PRKCA: variants seen among roughly 807,000 people sequenced by gnomAD.
PRKCA encodes protein kinase C alpha type.
A neutral mutation model predicts 87.0 loss-of-function variants in PRKCA; 27 were observed. The observed-to-expected ratio is 0.31, with a 90% confidence interval of 0.23 to 0.43. The LOEUF (loss-of-function observed/expected upper bound fraction) is 0.43, where lower values mean the gene tolerates loss of function less well. Among genes scored for constraint, PRKCA ranks in the 20% least tolerant of loss-of-function variants. The pLI is 1.00. For synonymous variants in PRKCA, 329 were observed against 311.1 expected, an observed-to-expected ratio of 1.06 and a Z score of -0.61; for missense variants, 518 against 852.3, an observed-to-expected ratio of 0.61 and a Z score of 4.88.
At chr17:66,754,698 A>G (rs577795168) in intron 13 of PRKCA, among the ~76,000 whole-genome samples, 2 of 152,284 alleles carry the variant, frequency 1.3e-5, no homozygotes, top group African/African-American at 4.8e-5. Context: ...TTTGCTGGGC[A>G]TGGCGCTGGA....
intron 3 of PRKCA, among the ~76,000 whole-genome samples, chr17:66,569,991 C>A (rs1012846571): frequency 6.6e-6 from 1 of 152,210 alleles, no homozygotes; most frequent in African/African-American, 2.4e-5. Context: ...AACCTGGAAA[C>A]AACTCAGATG....
intron 2 of PRKCA, among the ~76,000 whole-genome samples, chr17:66,428,766 A>T (rs747813326): frequency 1.6e-4 from 24 of 152,108 alleles, no homozygotes; most frequent in Admixed American, 3.9e-4. Flanking sequence ...GGCCTCCCAA[A>T]TTGCCGGGAT....
In PRKCA at chr17:66,742,612, T is replaced by C; in HGVS notation, c.1386-10T>C. The C allele has an allele frequency of 2.5e-6, 4 of 1,613,478 alleles. No individual in the cohort carries two copies. On this transcript the variant is annotated splice_polypyrimidine_tract_variant and intron_variant, in intron 12 of 16. Coordinates refer to ENST00000413366, the MANE Select transcript of PRKCA (RefSeq NM_002737.3). ...GGGAAGGACTCTGATGTTAACCCGG[T>C]TCCTTGCAGGGATCTGAAGTTAGAT...
chr17:66,759,249 G>A (rs1242355929), intron 13 of PRKCA, among the ~76,000 whole-genome samples: 1 of 151,936 alleles, frequency 6.6e-6, no homozygotes, highest in Non-Finnish European at 1.5e-5. Context: ...CCAGGTACTC[G>A]GGAGGCTGAG....
rs143822843 is a variant in PRKCA, at chr17:66,349,732, C to T, written c.205+43605C>T. On this transcript the variant is annotated intron_variant, in intron 2 of 16. Coordinates refer to ENST00000413366, the MANE Select transcript of PRKCA (RefSeq NM_002737.3). ...CACAAAATTCATTCCTCCAATAGAA[C>T]AGTGTTTGGCCTGGCTCCCAAAAAC... 1.4e-3 allele frequency among the ~76,000 whole-genome samples: 218 copies of T among 152,228 alleles called. 1 individual carries two copies. Among genetic ancestry groups the T allele is most frequent in the African/African-American group, 5.1e-3 (213 of 41,544 alleles).
At chr17:66,324,659 A>G (rs1905872804) in intron 2 of PRKCA, among the ~76,000 whole-genome samples, 1 of 152,140 alleles carries the variant, frequency 6.6e-6, no homozygotes, top group Non-Finnish European at 1.5e-5. Flanking sequence ...AAAAAATTTG[A>G]GAGACTTTCC....
chr17:66,570,453 T>G (rs529626916), intron 3 of PRKCA, among the ~76,000 whole-genome samples: 18 of 152,212 alleles, frequency 1.2e-4, no homozygotes, highest in Non-Finnish European at 2.4e-4. Context: ...TAAAACACTT[T>G]AAAATTTCTT....
intron 2 of PRKCA, among the ~76,000 whole-genome samples, chr17:66,455,223 A>C (rs901135460): frequency 6.6e-6 from 1 of 152,198 alleles, no homozygotes; most frequent in African/African-American, 2.4e-5. Context: ...TTGGCAATAC[A>C]TGACCGAATT....
chr17:66,432,014 C>G (rs1913124927), intron 2 of PRKCA, among the ~76,000 whole-genome samples: 1 of 152,084 alleles, frequency 6.6e-6, no homozygotes, highest in African/African-American at 2.4e-5. Flanking sequence ...TAGGCTGAAA[C>G]ATGCCCTGAA....
intron 2 of PRKCA, among the ~76,000 whole-genome samples, chr17:66,331,033 A>G (rs1906292668): frequency 6.6e-6 from 1 of 152,236 alleles, no homozygotes; most frequent in Non-Finnish European, 1.5e-5. Flanking sequence ...TGTGTCTAAG[A>G]TGATGCTGAT....
chr17:66,429,444 C>T (rs1912987900), intron 2 of PRKCA, among the ~76,000 whole-genome samples: 1 of 152,170 alleles, frequency 6.6e-6, no homozygotes, highest in African/African-American at 2.4e-5. Flanking sequence ...TGTACCATTA[C>T]AGCTCTGGGA....
chr17:66,543,324 T>C (rs1968047680), intron 3 of PRKCA, among the ~76,000 whole-genome samples: 1 of 152,226 alleles, frequency 6.6e-6, no homozygotes, highest in South Asian at 2.1e-4. Flanking sequence ...CATGTGGCTC[T>C]TCTCTCTTCC....
chr17:66,316,858 A>C (rs1312705169), intron 2 of PRKCA, among the ~76,000 whole-genome samples: 1 of 152,112 alleles, frequency 6.6e-6, no homozygotes, highest in Non-Finnish European at 1.5e-5. Flanking sequence ...ATTAAAAATC[A>C]GCAGCCGGGC....
intron 3 of PRKCA, among the ~76,000 whole-genome samples, chr17:66,605,383 A>G (rs1970175603): frequency 6.6e-6 from 1 of 152,212 alleles, no homozygotes; most frequent in Non-Finnish European, 1.5e-5. Flanking sequence ...ATGTCTCATA[A>G]AAGAGTTAAT....
chr17:66,373,523 G>A (rs545084872), intron 2 of PRKCA, among the ~76,000 whole-genome samples: 6 of 152,284 alleles, frequency 3.9e-5, no homozygotes, highest in Non-Finnish European at 7.4e-5. Flanking sequence ...TCATGATATC[G>A]ATTCAAGTTG....
intron 16 of PRKCA, among the ~76,000 whole-genome samples, chr17:66,796,278 T>C (rs1975665652): frequency 2.0e-5 from 3 of 152,224 alleles, no homozygotes; most frequent in Admixed American, 6.5e-5. Flanking sequence ...GGTTGTGCTG[T>C]GTTAAACACA....
At chr17:66,741,764 T>G in intron 12 of PRKCA, 43 bp downstream of exon 12, 772 of 1,577,082 alleles carry the variant, frequency 4.9e-4, no homozygotes, top group Non-Finnish European at 6.2e-4. Flanking sequence ...GCAGAGAGGT[T>G]AGCTGGGCCT....
At chr17:66,605,693 A>G (rs901826874) in intron 3 of PRKCA, among the ~76,000 whole-genome samples, 1 of 152,248 alleles carries the variant, frequency 6.6e-6, no homozygotes, top group Non-Finnish European at 1.5e-5. Flanking sequence ...CCATCAGCTG[A>G]TGAATGGCTA....
At chr17:66,439,329 C>T (rs2143864736) in intron 2 of PRKCA, among the ~76,000 whole-genome samples, 1 of 152,178 alleles carries the variant, frequency 6.6e-6, no homozygotes, top group South Asian at 2.1e-4. Context: ...TACAGGTGTG[C>T]ACCACCATAC....
Sources: gnomAD v4.1 joint callset for allele counts (sites outside exome capture counted in the v4.1 genomes callset) on GRCh38, gnomAD v4.1.1 for gene constraint, MANE v1.5 for transcripts, NCBI Gene and HGNC (gene_info 2026-07-23, HGNC 2026-07-21) for gene names.